CCDC33: variants seen among roughly 807,000 people sequenced by gnomAD.
The protein encoded by CCDC33 is coiled-coil domain containing 33, also known as coiled-coil domain-containing protein 33.
In CCDC33, 94 loss-of-function variants were observed where a neutral mutation model predicts 91.9. The observed-to-expected ratio is 1.02, with a 90% CI of 0.87 to 1.21. The LOEUF (loss-of-function observed/expected upper bound fraction) is 1.21, where lower values mean the gene tolerates loss of function less well. CCDC33 is among the 50% of genes most tolerant of loss of function. The pLI is 0.00. For synonymous variants in CCDC33, 396 were observed against 374.5 expected (o/e 1.06, Z -0.66); for missense variants, 940 against 935.5 (o/e 1.00, Z -0.06).
At chr15:74,258,321 C>T (rs1018811178) in intron 2 of CCDC33, among the ~76,000 whole-genome samples, 114 of 152,304 alleles carry the variant, frequency 7.5e-4, no homozygotes, top group African/African-American at 2.4e-3. Flanking sequence ...GAGTCAGGGC[C>T]CTCCCCTTTC....
chr15:74,256,711 T>C (rs1384350183), intron 2 of CCDC33, among the ~76,000 whole-genome samples: 4 of 152,044 alleles, frequency 2.6e-5, no homozygotes, highest in Non-Finnish European at 5.9e-5. Flanking sequence ...GCCTCCAGCC[T>C]CAAAAAGAGC....
intron 2 of CCDC33, among the ~76,000 whole-genome samples, chr15:74,231,322 C>T (rs1324250889): frequency 6.6e-6 from 1 of 152,210 alleles, no homozygotes; most frequent in East Asian, 1.9e-4. Context: ...CCCCTCTGTG[C>T]TGGATAGAAG....
At chr15:74,259,211 G>A (rs2075956995) in intron 2 of CCDC33, among the ~76,000 whole-genome samples, 1 of 151,992 alleles carries the variant, frequency 6.6e-6, no homozygotes, top group South Asian at 2.1e-4. Context: ...GACAGGGAGG[G>A]GGGTCTCTCC....
chr15:74,258,828 C>T (rs1263283246), intron 2 of CCDC33, among the ~76,000 whole-genome samples: 1 of 152,188 alleles, frequency 6.6e-6, no homozygotes, highest in Non-Finnish European at 1.5e-5. Flanking sequence ...TTCCCTTAGT[C>T]ATGACCTTGC....
downstream of CCDC33, chr15:74,336,237 C>T: frequency 1.4e-6 from 2 of 1,431,560 alleles, no homozygotes; most frequent in Non-Finnish European, 1.8e-6. Context: ...CTGCTGCAGC[C>T]TTACAGCCTC....
At chr15:74,262,659 A>C (rs2076059069) in intron 3 of CCDC33, 86 bp downstream of exon 3, 11 of 1,453,370 alleles carry the variant, frequency 7.6e-6, no homozygotes, top group Non-Finnish European at 8.3e-6. Flanking sequence ...GCTCCCTCTC[A>C]CTGCAGCTGG....
At chr15:74,331,505 T>A (rs1038834393) in intron 15 of CCDC33, among the ~76,000 whole-genome samples, 5 of 152,136 alleles carry the variant, frequency 3.3e-5, no homozygotes, top group Non-Finnish European at 7.4e-5. Context: ...CCTCCTTCCC[T>A]GGAAGCCCCT....
chr15:74,317,927 C>CT (rs2060125649), intron 11 of CCDC33, among the ~76,000 whole-genome samples: 1 of 85,832 alleles, frequency 1.2e-5, no homozygotes, highest in African/African-American at 4.8e-5. Flanking sequence ...CAGTGAGTTT[C>CT]TTTCAAAAAC....
intron 11 of CCDC33, among the ~76,000 whole-genome samples, chr15:74,306,211 G>A (rs1456248096): frequency 1.3e-5 from 2 of 152,194 alleles, no homozygotes; most frequent in Admixed American, 6.5e-5. Context: ...TCCCAATTGA[G>A]CAGGGAGACA....
chr15:74,226,234 A>T (rs1197096185), intron 2 of CCDC33, among the ~76,000 whole-genome samples: 3 of 152,120 alleles, frequency 2.0e-5, no homozygotes, highest in South Asian at 2.1e-4. Flanking sequence ...GTCGTCAAGG[A>T]CTCAGTCTGT....
intron 11 of CCDC33, chr15:74,303,283 C>A (rs1555418409): frequency 6.6e-6 from 1 of 152,430 alleles, no homozygotes; most frequent in Non-Finnish European, 1.5e-5. Flanking sequence ...GCAGCCCCCC[C>A]AGGGCCACTA....
At chr15:74,259,753 G>A (rs1256194614) in intron 2 of CCDC33, among the ~76,000 whole-genome samples, 1 of 152,212 alleles carries the variant, frequency 6.6e-6, no homozygotes, top group African/African-American at 2.4e-5. Flanking sequence ...GAGGATACGA[G>A]GACAGTAGAA....
chr15:74,335,272 AC>A, intron 18 of CCDC33, 184 bp downstream of exon 18: 1 of 689,526 alleles, frequency 1.5e-6, no homozygotes, highest in Non-Finnish European at 2.7e-6. Context: ...TAATTCCCCC[AC>A]CTGTCTAAGG....
intron 2 of CCDC33, among the ~76,000 whole-genome samples, chr15:74,223,764 A>ACGCG (rs1555460825): frequency 1.1e-5 from 1 of 92,694 alleles, no homozygotes. Context: ...ACACACACAC[A>ACGCG]CGCAAGCATG....
At position 74,316,950 on chromosome 15, in the gene CCDC33, C is replaced by T. The variant is rs1449858619; in HGVS notation, c.1291-13239C>T. Among the ~76,000 whole-genome samples, 1 of 152,178 alleles carries T rather than the reference C, an allele frequency of 6.6e-6. No homozygotes were observed. The highest frequency in any genetic ancestry group is 2.4e-5 in the African/African-American group (1 of 41,432). Reference sequence around the variant, plus strand: ...CACACAGCTGCTTAGTAACAGAGCCCACTATCTTTCCACTTCACCAGGCCC... The same window carrying T: ...CACACAGCTGCTTAGTAACAGAGCCTACTATCTTTCCACTTCACCAGGCCC... On this transcript the variant is annotated intron_variant, in intron 11 of 18. Transcript: ENST00000398814. This position sits in a 1 kb window ranked among gnomAD's most constrained non-coding sequence, Gnocchi z 4.7.
intron 2 of CCDC33, among the ~76,000 whole-genome samples, chr15:74,249,562 C>CA (rs533830187): frequency 1.6e-3 from 249 of 151,938 alleles, no homozygotes; most frequent in Middle Eastern, 0.014. Context: ...TTGTGGGCTG[C>CA]AAAAAATGCA....
rs374088690 is a variant in CCDC33 at position 74,335,031 on chromosome 15, G to A, written c.2082G>A (p.Leu694=). ...AGAAGCAGGATCTGGCCACACGGCT[G>A]CAGGAGCAAGAAAAAGGTTTCAGGC... is the stretch of plus-strand genomic sequence containing the variant. ...GREKQDLATR[L]QEQEKGFRHP... Residue 694 remains leucine (L), a synonymous_variant, in exon 18 of 19, where the codon CTG becomes CTA. Transcript: ENST00000398814. The A allele has an allele frequency of 6.2e-7, 1 of 1,614,120 alleles. No individual in the cohort carries two copies. The highest frequency in any genetic ancestry group is 8.5e-7 in the Non-Finnish European group (1 of 1,180,002).
Position 74,334,595 on chromosome 15 carries a change from G to A in CCDC33, c.2026-380G>A, listed in dbSNP as rs114430316. ...CCAGGGTCAGGGTTCCGTGTACAAC[G>A]AGGTTAGGGTTCTGTGTATGACCAG... On this transcript the variant is annotated intron_variant, in intron 17 of 18. Transcript: ENST00000398814. 7.2e-3 allele frequency among the ~76,000 whole-genome samples: 1,022 copies of A among 142,738 alleles called. 11 individuals are homozygous for A. The highest frequency in any genetic ancestry group is 0.027 in the African/African-American group (939 of 34,848). The allele number at this position is 142,738 out of a possible 152,430, so 93.6% of individuals were successfully genotyped here. A position where few individuals can be genotyped will look rare whatever the true frequency, so the allele number is the denominator to read the frequency against.
rs760567295 is a variant in CCDC33 at position 74,244,169 on chromosome 15, G to T, written c.185+21G>T. 3.8e-6 allele frequency: 6 copies of T among 1,597,718 alleles called. No homozygotes were observed. The African/African-American group carries it at 4.0e-5, about 11-fold the overall frequency. ...GTGGTGTAAGTAGCTGCGTGAGAGT[G>T]GGGGCAGGGGATGGGTTGGGCTGTG... On this transcript the variant is annotated intron_variant, in intron 2 of 18. Coordinates refer to ENST00000398814, the MANE Select transcript of CCDC33 (RefSeq NM_025055.5). The surrounding 1 kb of genome is among the most constrained non-coding windows in gnomAD (Gnocchi z 4.2).
Sources: allele counts gnomAD v4.1 joint callset (sites outside exome capture counted in the v4.1 genomes callset), GRCh38; gene constraint gnomAD v4.1.1; non-coding constraint Gnocchi (gnomAD v3.1); transcripts MANE v1.5; gene names NCBI Gene and HGNC (gene_info 2026-07-23, HGNC 2026-07-21).